FIGN: variants seen among roughly 807,000 people sequenced by gnomAD.
FIGN encodes the protein fidgetin.
A neutral mutation model predicts 51.3 loss-of-function variants in FIGN; 11 were observed. That is an observed-to-expected ratio of 0.21 (90% CI 0.13 to 0.35). The LOEUF (loss-of-function observed/expected upper bound fraction) is 0.35, where lower values mean the gene tolerates loss of function less well. FIGN is among the 10% of genes least tolerant of loss of function. FIGN has a pLI of 1.00. For missense variants in FIGN, 857 were observed against 943.6 expected, an observed-to-expected ratio of 0.91 and a Z score of 1.20; for synonymous variants, 407 against 363.2, an observed-to-expected ratio of 1.12 and a Z score of -1.37.
rs189655367 is a variant in FIGN, at chr2:163,668,739, G to A, written c.26-56933C>T. Among the ~76,000 whole-genome samples, 186 of 152,164 alleles carry A rather than the reference G, an allele frequency of 1.2e-3. 3 individuals carry two copies. In the East Asian group the frequency reaches 0.03, roughly 24 times the overall value. Reference sequence around the variant, plus strand: ...GCAGATCACGAGGTCAGGAGATTGAGACCATCCTGGCTAACACGGTGAAAC... The same window carrying A: ...GCAGATCACGAGGTCAGGAGATTGAAACCATCCTGGCTAACACGGTGAAAC... On this transcript the variant is annotated intron_variant, in intron 2 of 2. Coordinates refer to ENST00000333129, the MANE Select transcript of FIGN (RefSeq NM_018086.4).
At chr2:163,686,752 GTA>G (rs1559021019) in intron 2 of FIGN, among the ~76,000 whole-genome samples, 1 of 138,200 alleles carries the variant, frequency 7.2e-6, no homozygotes, top group Non-Finnish European at 1.6e-5. Flanking sequence ...GTTTATGTAT[GTA>G]TGTGTATATA....
Position 163,668,621 on chromosome 2 carries a change from A to G in FIGN, c.26-56815T>C, listed in dbSNP as rs1683823313. Among the ~76,000 whole-genome samples the G allele has an allele frequency of 3.3e-5, 5 of 152,194 alleles. 1 individual carries two copies. In the South Asian group the frequency reaches 1.0e-3, roughly 31 times the overall value. On this transcript the variant is annotated intron_variant, in intron 2 of 2. Coordinates refer to ENST00000333129, the MANE Select transcript of FIGN (RefSeq NM_018086.4). ...TTCCCCCTCTCTGTCCAGTTAAAGCAAAGTTTTAAATAGGTAAAACTTATA... is the reference window on the plus strand; with the variant it reads ...TTCCCCCTCTCTGTCCAGTTAAAGCGAAGTTTTAAATAGGTAAAACTTATA...
At chr2:163,732,013 C>T (rs1282328146) in intron 2 of FIGN, among the ~76,000 whole-genome samples, 2 of 152,164 alleles carry the variant, frequency 1.3e-5, no homozygotes, top group Non-Finnish European at 2.9e-5. Flanking sequence ...TATCCAAAAA[C>T]TCTATTTTAA....
At chr2:163,687,712 C>G (rs1040701978) in intron 2 of FIGN, among the ~76,000 whole-genome samples, 1 of 152,160 alleles carries the variant, frequency 6.6e-6, no homozygotes, top group Non-Finnish European at 1.5e-5. Flanking sequence ...ACAATGCAAA[C>G]TTAAATTTTA....
chr2:163,671,121 G>A lies in FIGN; in HGVS notation c.26-59315C>T, dbSNP rs115152733. On this transcript the variant is annotated intron_variant, in intron 2 of 2. Coordinates refer to ENST00000333129, the MANE Select transcript of FIGN (RefSeq NM_018086.4). ...CAAGATATTGCACCAGCTTGTGATC[G>A]CCCAGAGATGCAATGTGCCCACTTT... Among the ~76,000 whole-genome samples the A allele has an allele frequency of 1.8e-3, 277 of 152,210 alleles. 1 individual carries two copies. Among genetic ancestry groups the A allele is most frequent in the African/African-American group, 5.9e-3 (243 of 41,532 alleles).
intron 1 of FIGN, among the ~76,000 whole-genome samples, 179 bp downstream of exon 1, chr2:163,735,659 A>C (rs529397123): frequency 6.6e-6 from 1 of 152,350 alleles, no homozygotes; most frequent in South Asian, 2.1e-4. Context: ...GCTACTTTGA[A>C]CAGAGAAATT....
chr2:163,735,199 C>T (rs1684995892), intron 1 of FIGN, 127 bp from the exon 2 acceptor site: 2 of 457,428 alleles, frequency 4.4e-6, no homozygotes, highest in East Asian at 8.1e-5. Context: ...CACTCACTCC[C>T]ATTGAAACTA....
At chr2:163,682,091 C>A (rs759148551) in intron 2 of FIGN, among the ~76,000 whole-genome samples, 32 of 152,134 alleles carry the variant, frequency 2.1e-4, no homozygotes, top group Non-Finnish European at 4.4e-4. Flanking sequence ...CTGGCAGACA[C>A]CAAATTATTT....
At chr2:163,659,429 T>A (rs570604181) in intron 2 of FIGN, among the ~76,000 whole-genome samples, 7 of 152,038 alleles carry the variant, frequency 4.6e-5, no homozygotes, top group Middle Eastern at 3.4e-3. Context: ...CCAAGGGCAG[T>A]GCCATGGTGA....
chr2:163,722,505 T>C (rs1181645150), intron 2 of FIGN, among the ~76,000 whole-genome samples: 1 of 152,190 alleles, frequency 6.6e-6, no homozygotes, highest in Non-Finnish European at 1.5e-5. Flanking sequence ...TATTTTATGA[T>C]TTCTGTACCC....
At chr2:163,706,396 G>A (rs1684500035) in intron 2 of FIGN, among the ~76,000 whole-genome samples, 1 of 152,148 alleles carries the variant, frequency 6.6e-6, no homozygotes. Context: ...CGGCTTAATA[G>A]TTTTACTTAA....
intron 2 of FIGN, among the ~76,000 whole-genome samples, chr2:163,719,794 A>C (rs2105362050): frequency 6.6e-6 from 1 of 152,308 alleles, no homozygotes; most frequent in East Asian, 1.9e-4. Context: ...CAAGACTAAA[A>C]TTTTGAGGGA....
intron 2 of FIGN, among the ~76,000 whole-genome samples, chr2:163,622,671 C>G (rs1573909505): frequency 6.6e-6 from 1 of 152,190 alleles, no homozygotes; most frequent in East Asian, 1.9e-4. Context: ...AAGTGATCCT[C>G]CAGCTTCAGC....
At chr2:163,633,567 T>C (rs1022035856) in intron 2 of FIGN, among the ~76,000 whole-genome samples, 16 of 152,198 alleles carry the variant, frequency 1.1e-4, no homozygotes, top group African/African-American at 3.9e-4. Context: ...TTTCCAGGTT[T>C]CTTTCCAACT....
intron 2 of FIGN, among the ~76,000 whole-genome samples, chr2:163,656,349 A>G (rs1683558851): frequency 6.6e-6 from 1 of 152,168 alleles, no homozygotes; most frequent in Admixed American, 6.5e-5. Flanking sequence ...AAATTGAGTG[A>G]GATTAGAAAT....
At chr2:163,634,098 G>GTGTA (rs1340316549) in intron 2 of FIGN, among the ~76,000 whole-genome samples, 1 of 150,806 alleles carries the variant, frequency 6.6e-6, no homozygotes, top group Non-Finnish European at 1.5e-5. Context: ...GCGTGTGTGT[G>GTGTA]TGTGTGTGTG....
chr2:163,640,961 G>C (rs1280172747), intron 2 of FIGN, among the ~76,000 whole-genome samples: 1 of 152,130 alleles, frequency 6.6e-6, no homozygotes, highest in Non-Finnish European at 1.5e-5. Flanking sequence ...AGTGCTCAGT[G>C]GGCTGGAAAC....
intron 2 of FIGN, among the ~76,000 whole-genome samples, chr2:163,618,962 A>C (rs1265765444): frequency 6.6e-6 from 1 of 152,170 alleles, no homozygotes; most frequent in Non-Finnish European, 1.5e-5. Context: ...ACCCTCTTAC[A>C]ACACAACACG....
At chr2:163,725,883 AC>A (rs1212629328) in intron 2 of FIGN, among the ~76,000 whole-genome samples, 1 of 152,108 alleles carries the variant, frequency 6.6e-6, no homozygotes, top group Non-Finnish European at 1.5e-5. Flanking sequence ...TTAAAAAATT[AC>A]CAAAAGAATT....
Sources: allele counts gnomAD v4.1 joint callset (sites outside exome capture counted in the v4.1 genomes callset), GRCh38; gene constraint gnomAD v4.1.1; transcripts MANE v1.5; gene names NCBI Gene and HGNC (gene_info 2026-07-23, HGNC 2026-07-21).